Variants in GBE1 observed in about 807,000 individuals in gnomAD.
The protein encoded by GBE1 is 1,4-alpha-glucan branching enzyme 1.
A neutral mutation model predicts 88.8 loss-of-function variants in GBE1; 70 were observed. That is an observed-to-expected ratio of 0.79 (90% confidence interval 0.65 to 0.96). GBE1 has a LOEUF of 0.96. Among genes scored for constraint, GBE1 ranks in the 40% least tolerant of loss-of-function variants. The pLI is 0.00. For missense variants in GBE1, 872 were observed against 871.0 expected (o/e 1.00, Z -0.01); for synonymous variants, 284 against 300.1 (o/e 0.95, Z 0.56).
At chr3:81,716,546 A>G (rs1705939934) in intron 1 of GBE1, among the ~76,000 whole-genome samples, 1 of 152,156 alleles carries the variant, frequency 6.6e-6, no homozygotes, top group Admixed American at 6.5e-5. Flanking sequence ...AAAAAACTGG[A>G]CAAAGCCCAT....
intron 2 of GBE1, among the ~76,000 whole-genome samples, chr3:81,695,638 T>C (rs963943123): frequency 1.3e-5 from 2 of 152,234 alleles, no homozygotes; most frequent in African/African-American, 4.8e-5. Context: ...AAGTGAATGT[T>C]ATGTTATATG....
At chr3:81,595,819 C>T (rs1703948581) in intron 7 of GBE1, among the ~76,000 whole-genome samples, 1 of 151,864 alleles carries the variant, frequency 6.6e-6, no homozygotes, top group Non-Finnish European at 1.5e-5. Context: ...TAAAAAGACA[C>T]ATTTGGGAAT....
chr3:81,496,932 C>T (rs1413464758), intron 15 of GBE1, among the ~76,000 whole-genome samples: 1 of 152,110 alleles, frequency 6.6e-6, no homozygotes, highest in Non-Finnish European at 1.5e-5. Flanking sequence ...GAGAGCTAGC[C>T]CTTATCTCAC....
intron 14 of GBE1, among the ~76,000 whole-genome samples, chr3:81,499,477 T>C (rs1702557789): frequency 6.6e-6 from 1 of 152,166 alleles, no homozygotes; most frequent in Admixed American, 6.6e-5. Flanking sequence ...GGACGAAACA[T>C]ACCTAATCTA....
At chr3:81,505,735 G>A (rs1045250381) in intron 14 of GBE1, among the ~76,000 whole-genome samples, 11 of 152,110 alleles carry the variant, frequency 7.2e-5, no homozygotes, top group South Asian at 2.1e-4. Context: ...GAGGGGTGTC[G>A]TGGTCGGGGG....
rs80088030 is a variant in GBE1, at chr3:81,532,473, G to A, written c.1934+2722C>T. 1.8e-4 allele frequency among the ~76,000 whole-genome samples: 28 copies of A among 152,014 alleles called. No homozygotes were observed. The East Asian group carries it at 4.7e-3, about 25-fold the overall frequency. On this transcript the variant is annotated intron_variant, in intron 14 of 15. Transcript: ENST00000429644. ...TTCCTTCACTATAAGAAAGGGTTTC[G>A]TATACTTTTTCTATTCTATTGACAT...
chr3:81,505,475 T>C (rs1702640646), intron 14 of GBE1, among the ~76,000 whole-genome samples: 2 of 152,190 alleles, frequency 1.3e-5, no homozygotes, highest in African/African-American at 4.8e-5. Flanking sequence ...GTTACATGGA[T>C]TGAATTTTAT....
At chr3:81,752,203 G>GA (rs926851062) in intron 1 of GBE1, among the ~76,000 whole-genome samples, 214 of 151,386 alleles carry the variant, frequency 1.4e-3, no homozygotes, top group African/African-American at 5.0e-3. Flanking sequence ...AGCAAGAGAG[G>GA]AAAAAAAAGA....
intron 1 of GBE1, among the ~76,000 whole-genome samples, chr3:81,722,573 T>G (rs1706048810): frequency 6.6e-6 from 1 of 151,858 alleles, no homozygotes; most frequent in African/African-American, 2.4e-5. Flanking sequence ...TTAATCAAAT[T>G]GTCTACTTTA....
At chr3:81,543,129 C>A (rs1441395148) in intron 12 of GBE1, among the ~76,000 whole-genome samples, 2 of 151,878 alleles carry the variant, frequency 1.3e-5, no homozygotes, top group Admixed American at 1.3e-4. Context: ...GAAAATAGAA[C>A]TTTAATTTAA....
chr3:81,640,265 T>G (rs908879846), intron 7 of GBE1, among the ~76,000 whole-genome samples: 2 of 151,642 alleles, frequency 1.3e-5, no homozygotes, highest in Non-Finnish European at 2.9e-5. Flanking sequence ...AAGGCAGACC[T>G]ACCCTCAGTC....
At chr3:81,530,050 A>G (rs1163915268) in intron 14 of GBE1, among the ~76,000 whole-genome samples, 1 of 151,632 alleles carries the variant, frequency 6.6e-6, no homozygotes, top group Non-Finnish European at 1.5e-5. Context: ...GCATTTTCAC[A>G]TACCTTGTCT....
At chr3:81,598,693 T>C (rs1703991078) in intron 7 of GBE1, among the ~76,000 whole-genome samples, 1 of 151,854 alleles carries the variant, frequency 6.6e-6, no homozygotes, top group Non-Finnish European at 1.5e-5. Flanking sequence ...AATAATAAAG[T>C]GTATCTGGAT....
intron 1 of GBE1, among the ~76,000 whole-genome samples, chr3:81,735,081 G>C (rs1457320468): frequency 6.6e-6 from 1 of 152,084 alleles, no homozygotes; most frequent in Admixed American, 6.6e-5. Context: ...TATATGTAGG[G>C]TTCAGTACTA....
At chr3:81,665,387 T>A (rs1266832712) in intron 3 of GBE1, among the ~76,000 whole-genome samples, 7 of 151,602 alleles carry the variant, frequency 4.6e-5, no homozygotes, top group South Asian at 2.1e-4. Flanking sequence ...CAAAAAAAAA[T>A]TAGCCGGGCG....
intron 12 of GBE1, among the ~76,000 whole-genome samples, chr3:81,564,112 A>G (rs1703458568): frequency 6.6e-6 from 1 of 152,078 alleles, no homozygotes; most frequent in African/African-American, 2.4e-5. Context: ...TCACGAATGG[A>G]ACTAACACCT....
chr3:81,499,762 C>T (rs543333308), intron 14 of GBE1, among the ~76,000 whole-genome samples: 5 of 152,260 alleles, frequency 3.3e-5, no homozygotes, highest in African/African-American at 1.2e-4. Context: ...AAAAGAAATG[C>T]ATCATTGCAT....
chr3:81,567,906 T>C (rs960985872), intron 12 of GBE1, among the ~76,000 whole-genome samples: 1 of 152,182 alleles, frequency 6.6e-6, no homozygotes, highest in African/African-American at 2.4e-5. Context: ...TATAATGCAA[T>C]GTCCACTTCT....
chr3:81,705,028 G>T (rs932949739), intron 2 of GBE1, among the ~76,000 whole-genome samples: 1 of 152,280 alleles, frequency 6.6e-6, no homozygotes, highest in Non-Finnish European at 1.5e-5. Flanking sequence ...TCCGAAAAGA[G>T]TATAAGGCTA....
Sources: allele counts gnomAD v4.1 joint callset (sites outside exome capture counted in the v4.1 genomes callset), GRCh38; gene constraint gnomAD v4.1.1; transcripts MANE v1.5; gene names NCBI Gene and HGNC (gene_info 2026-07-23, HGNC 2026-07-21).